The following OR56B1 variants were observed in gnomAD, a reference collection of about 807,000 sequenced individuals.
The protein encoded by OR56B1 is olfactory receptor family 56 subfamily B member 1, also known as olfactory receptor 56B1.
A neutral mutation model predicts 11.4 loss-of-function variants in OR56B1; 13 were observed. That is an observed-to-expected ratio of 1.14 (90% CI 0.74 to 1.81). The LOEUF is 1.81. Among genes scored for constraint, OR56B1 ranks in the 40% most tolerant of loss-of-function variants. OR56B1 has a pLI of 0.00. For missense variants in OR56B1, 434 were observed against 379.3 expected, an observed-to-expected ratio of 1.14 and a Z score of -1.20; for synonymous variants, 158 against 143.6, an observed-to-expected ratio of 1.10 and a Z score of -0.72.
chr11:5,736,668 A>G lies in OR56B1; in HGVS notation c.152A>G (p.Asn51Ser), dbSNP rs1340426438. 6.2e-7 allele frequency: 1 copy of G among 1,613,806 alleles called. No homozygotes were observed. Among genetic ancestry groups the G allele is most frequent in the Admixed American group, 1.7e-5 (1 of 59,924 alleles). The change falls in exon 1 of 1, where the codon AAC (asparagine) becomes AGC (serine). Residue 51 changes from asparagine (N) to serine (S), a missense_variant. Coordinates refer to ENST00000317121, the MANE Select transcript of OR56B1 (RefSeq NM_001005180.3). ...ALLYLSALAA[N>S]TLILIIIWQN... is the part of the protein sequence containing the mutation. ...CTGTATCTCTCAGCACTTGCTGCAA[A>G]CACCCTCATCCTCATCATCATCTGG...
Position 5,736,899 on chromosome 11 carries a change from C to A in OR56B1, c.383C>A (p.Ala128Asp). 1 of 1,614,036 alleles carries A rather than the reference C, an allele frequency of 6.2e-7. No individual in the cohort carries two copies. Reference protein sequence around the residue: ...GMESGILLCMAFDRYVAICHP... With the variant: ...GMESGILLCMDFDRYVAICHP... ...GAGTCTGGTATCCTACTCTGCATGGCTTTTGATAGATATGTGGCTATTTGT... is the reference window on the plus strand; with the variant it reads ...GAGTCTGGTATCCTACTCTGCATGGATTTTGATAGATATGTGGCTATTTGT... Residue 128 changes from alanine to aspartate, a missense_variant, in exon 1 of 1, where the codon GCT (alanine) becomes GAT (aspartate). Coordinates refer to ENST00000317121, the MANE Select transcript of OR56B1 (RefSeq NM_001005180.3).
chr11:5,737,353 G>T lies in OR56B1; in HGVS notation c.837G>T (p.Leu279Phe). ...ATCTGACAGAGATGAAGGCTACTTT[G>T]ATTCCAGTTCTACTTAATGTGTTGC... ...VTHLTEMKAT[L>F]IPVLLNVLHN... Residue 279 changes from leucine to phenylalanine, a missense_variant, in exon 1 of 1, where the codon TTG becomes TTT. Coordinates refer to ENST00000317121, the MANE Select transcript of OR56B1 (RefSeq NM_001005180.3). The T allele has an allele frequency of 6.2e-7, 1 of 1,614,070 alleles. No individual in the cohort carries two copies.
In OR56B1 at chr11:5,736,572, C is replaced by CT; in HGVS notation, c.57dup (p.Glu20Ter). The CT allele has an allele frequency of 6.2e-6, 10 of 1,613,988 alleles. No individual in the cohort carries two copies. Among genetic ancestry groups the CT allele is most frequent in the Non-Finnish European group, 7.6e-6 (9 of 1,179,914 alleles). ...TCCAATAGCTCCAAATTCCAGGTCT[C>CT]TGAGTTCATCCTGCTGGGATTCCCG... is the stretch of plus-strand genomic sequence containing the variant. On this transcript the variant is annotated frameshift_variant, in exon 1 of 1. Coordinates refer to ENST00000317121, the MANE Select transcript of OR56B1 (RefSeq NM_001005180.3). LOFTEE classifies it low-confidence loss of function (END_TRUNC).
chr11:5,737,009 G>A lies in OR56B1; in HGVS notation c.493G>A (p.Val165Ile). The change falls in exon 1 of 1, where the codon GTC becomes ATC. Residue 165 changes from valine to isoleucine, a missense_variant. Val to Ile is a conservative substitution (Grantham distance 29, BLOSUM62 3). Coordinates refer to ENST00000317121, the MANE Select transcript of OR56B1 (RefSeq NM_001005180.3). ...CATGGTGCTGAGAAATGGCTTATTT[G>A]TCACTCCAGTGCCTGTGCTTGCAGC... ...LFMVLRNGLF[V>I]TPVPVLAAQR... 1.2e-6 allele frequency: 2 copies of A among 1,614,096 alleles called. No homozygotes were observed. Among genetic ancestry groups the A allele is most frequent in the Non-Finnish European group, 1.7e-6 (2 of 1,179,994 alleles).
Position 5,736,616 on chromosome 11 carries a change from C to A in OR56B1, c.100C>A (p.His34Asn). 6.2e-7 allele frequency: 1 copy of A among 1,614,034 alleles called. No individual in the cohort carries two copies. Among genetic ancestry groups the A allele is most frequent in the Non-Finnish European group, 8.5e-7 (1 of 1,179,984 alleles). ...LGFPGIHSWQ[H>N]WLSLPLALLY... ...ATTCCCGGGCATTCACAGCTGGCAA[C>A]ACTGGCTATCTCTGCCCCTGGCACT... Residue 34 changes from histidine (H) to asparagine (N), a missense_variant, in exon 1 of 1, where the codon CAC (histidine) becomes AAC (asparagine). By Grantham distance (68) the His-to-Asn change is moderately conservative. Coordinates refer to ENST00000317121, the MANE Select transcript of OR56B1 (RefSeq NM_001005180.3).
At position 5,736,690 on chromosome 11, in the gene OR56B1, C is replaced by G. The variant is rs200882575; in HGVS notation, c.174C>G (p.Ile58Met). Reference sequence around the variant, plus strand: ...CAAACACCCTCATCCTCATCATCATCTGGCAGAACCCTTCTTTACAGCAGC... The same window carrying G: ...CAAACACCCTCATCCTCATCATCATGTGGCAGAACCCTTCTTTACAGCAGC... Reference protein sequence around the residue: ...LAANTLILIIIWQNPSLQQPM... With the variant: ...LAANTLILIIMWQNPSLQQPM... The change falls in exon 1 of 1, where the codon ATC becomes ATG. Residue 58 changes from isoleucine to methionine, a missense_variant. Physicochemically the swap from Ile to Met is conservative, Grantham distance 10 (BLOSUM62 1). Transcript: ENST00000317121. The G allele has an allele frequency of 8.0e-5, 129 of 1,614,032 alleles. No individual in the cohort carries two copies. The African/African-American group carries it at 1.2e-3, about 15-fold the overall frequency.
Position 5,737,443 on chromosome 11 carries a change from A to C in OR56B1, c.927A>C (p.Ala309=). Residue 309 remains alanine, a synonymous_variant, in exon 1 of 1, where the codon GCA becomes GCC. Coordinates refer to ENST00000317121, the MANE Select transcript of OR56B1 (RefSeq NM_001005180.3). ...CACTTCAGACCAAAGAACTTAGGGCAGCCTTCCAAAAGGTGCTGTTTGCCC... is the reference window on the plus strand; with the variant it reads ...CACTTCAGACCAAAGAACTTAGGGCCGCCTTCCAAAAGGTGCTGTTTGCCC... ...VYALQTKELR[A]AFQKVLFALT... 1 of 1,613,920 alleles carries C rather than the reference A, an allele frequency of 6.2e-7. No homozygotes were observed. Among genetic ancestry groups the C allele is most frequent in the Non-Finnish European group, 8.5e-7 (1 of 1,179,844 alleles).
At position 5,737,615 on chromosome 11, in the gene OR56B1, T is replaced by A; in HGVS notation, c.*124T>A. 1 of 861,626 alleles carries A rather than the reference T, an allele frequency of 1.2e-6. No individual in the cohort carries two copies. Among genetic ancestry groups the A allele is most frequent in the African/African-American group, 1.7e-5 (1 of 59,898 alleles). The allele number at this position is 861,626 out of a possible 1,614,324, so 53.4% of individuals were successfully genotyped here. On this transcript the variant is annotated 3_prime_UTR_variant, in exon 1 of 1. Coordinates refer to ENST00000317121, the MANE Select transcript of OR56B1 (RefSeq NM_001005180.3). ...CTTTTTATATTTGTATGTAAATAAT[T>A]GTGAAAGCTTCAGAAAAGATACAAA...
In OR56B1 at chr11:5,737,287, C is replaced by G. The variant is rs1853936541; in HGVS notation, c.771C>G (p.Ile257Met). 6.2e-7 allele frequency: 1 copy of G among 1,613,966 alleles called. No individual in the cohort carries two copies. Among genetic ancestry groups the G allele is most frequent in the Non-Finnish European group, 8.5e-7 (1 of 1,179,978 alleles). The part of the protein sequence containing the change: ...LSTCSSHLTL[I>M]LFFYTIVVVI... The stretch of plus-strand genomic sequence containing the variant: ...CTTGTAGTTCACATCTCACCCTCAT[C>G]CTTTTCTTTTACACTATTGTTGTAG... Residue 257 changes from isoleucine to methionine, a missense_variant, in exon 1 of 1, where the codon ATC (isoleucine) becomes ATG (methionine). Physicochemically the swap from Ile to Met is conservative, Grantham distance 10. Coordinates refer to ENST00000317121, the MANE Select transcript of OR56B1 (RefSeq NM_001005180.3).
Position 5,736,750 on chromosome 11 carries a change from A to G in OR56B1, c.234A>G (p.Val78=). The change falls in exon 1 of 1, where the codon GTA becomes GTG. Residue 78 remains valine, a synonymous_variant. Transcript: ENST00000317121. ...TTTTCCTTGGCATCCTCTGTATGGT[A>G]GACATGGGTCTGGCCACTACTATCA... The part of the protein sequence containing the change: ...MYIFLGILCM[V]DMGLATTIIP... 2.5e-6 allele frequency: 4 copies of G among 1,614,016 alleles called. No homozygotes were observed. Among genetic ancestry groups the G allele is most frequent in the Non-Finnish European group, 3.4e-6 (4 of 1,179,976 alleles).
rs1853917047 is a variant in OR56B1, at chr11:5,736,712, C to T, written c.196C>T (p.Gln66Ter). Residue 66 changes from glutamine to a stop codon, truncating the protein, a stop_gained, in exon 1 of 1, where the codon CAG (glutamine) becomes TAG (stop). Coordinates refer to ENST00000317121, the MANE Select transcript of OR56B1 (RefSeq NM_001005180.3). LOFTEE classifies it high-confidence loss of function. ...CATCTGGCAGAACCCTTCTTTACAG[C>T]AGCCCATGTATATTTTCCTTGGCAT... ...IIIWQNPSLQ[Q>*]PMYIFLGILC... 4 of 1,614,022 alleles carry T rather than the reference C, an allele frequency of 2.5e-6. No individual in the cohort carries two copies. The highest frequency in any genetic ancestry group is 3.4e-6 in the Non-Finnish European group (4 of 1,179,988).
rs1211783334 is a variant in OR56B1, at chr11:5,737,047, T to C, written c.531T>C (p.Tyr177=). The change falls in exon 1 of 1, where the codon TAT becomes TAC. Residue 177 remains tyrosine (Y), a synonymous_variant. Coordinates refer to ENST00000317121, the MANE Select transcript of OR56B1 (RefSeq NM_001005180.3). ...CTGTGCTTGCAGCACAGCGTGATTA[T>C]TGCTCCAAGAATGAAATTGAACACT... is the stretch of plus-strand genomic sequence containing the variant. ...PVPVLAAQRD[Y]CSKNEIEHCL... The C allele has an allele frequency of 1.2e-6, 2 of 1,614,010 alleles. No homozygotes were observed. The highest frequency in any genetic ancestry group is 1.7e-6 in the Non-Finnish European group (2 of 1,180,004).
rs768437236 is a variant in OR56B1 at position 5,736,490 on chromosome 11, A to G, written c.-27A>G. 3.7e-6 allele frequency: 6 copies of G among 1,607,866 alleles called. No individual in the cohort carries two copies. The highest frequency in any genetic ancestry group is 5.1e-6 in the Non-Finnish European group (6 of 1,174,792). ...CCTGTGATAACTGAGAACAATACAAATAGAGATTTGAAATTCATGTTGAAT... is the reference window on the plus strand; with the variant it reads ...CCTGTGATAACTGAGAACAATACAAGTAGAGATTTGAAATTCATGTTGAAT... On this transcript the variant is annotated 5_prime_UTR_variant, in exon 1 of 1. Transcript: ENST00000317121.
rs746160990 is a variant in OR56B1, at chr11:5,736,673, C to T, written c.157C>T (p.Leu53Phe). The T allele has an allele frequency of 2.5e-6, 4 of 1,613,868 alleles. No homozygotes were observed. The highest frequency in any genetic ancestry group is 2.7e-5 in the African/African-American group (2 of 74,894). Residue 53 changes from leucine to phenylalanine, a missense_variant, in exon 1 of 1, where the codon CTC becomes TTC. By Grantham distance (22) the Leu-to-Phe change is conservative (BLOSUM62 0). Transcript: ENST00000317121. ...LYLSALAANTLILIIIWQNPS... is the reference protein window; with the variant it reads ...LYLSALAANTFILIIIWQNPS... ...TCTCTCAGCACTTGCTGCAAACACC[C>T]TCATCCTCATCATCATCTGGCAGAA...
Position 5,737,118 on chromosome 11 carries a change from G to C in OR56B1, c.602G>C (p.Arg201Thr). Residue 201 changes from arginine to threonine, a missense_variant, in exon 1 of 1, where the codon AGG (arginine) becomes ACG (threonine). Physicochemically the swap from Arg to Thr is moderately conservative, Grantham distance 71. Transcript: ENST00000317121. The stretch of plus-strand genomic sequence containing the variant: ...GTCACAAGCCTGGCTTGTGATGACA[G>C]GAGGCCAAACAGCATTTGCCAGTTG... ...LGVTSLACDD[R>T]RPNSICQLVL... 6.2e-7 allele frequency: 1 copy of C among 1,614,010 alleles called. No homozygotes were observed. Among genetic ancestry groups the C allele is most frequent in the Non-Finnish European group, 8.5e-7 (1 of 1,179,984 alleles).
In OR56B1 at chr11:5,737,626, C is replaced by A; in HGVS notation, c.*135C>A. ...TGTATGTAAATAATTGTGAAAGCTT[C>A]AGAAAAGATACAAAAAATCACAGTA... On this transcript the variant is annotated 3_prime_UTR_variant, in exon 1 of 1. Transcript: ENST00000317121. 3.8e-6 allele frequency: 3 copies of A among 782,844 alleles called. No individual in the cohort carries two copies. The highest frequency in any genetic ancestry group is 5.7e-6 in the Non-Finnish European group (3 of 529,550). The allele number at this position is 782,844 out of a possible 1,614,324, so 48.5% of individuals were successfully genotyped here.
chr11:5,737,095 C>T lies in OR56B1; in HGVS notation c.579C>T (p.Val193=), dbSNP rs979529745. The T allele has an allele frequency of 6.2e-7, 1 of 1,613,898 alleles. No homozygotes were observed. Among genetic ancestry groups the T allele is most frequent in the African/African-American group, 1.3e-5 (1 of 74,912 alleles). Residue 193 remains valine, a synonymous_variant, in exon 1 of 1, where the codon GTC becomes GTT. Coordinates refer to ENST00000317121, the MANE Select transcript of OR56B1 (RefSeq NM_001005180.3). ...IEHCLCSNLG[V]TSLACDDRRP... Reference sequence around the variant, plus strand: ...ACTGCCTGTGCTCTAACCTTGGGGTCACAAGCCTGGCTTGTGATGACAGGA... The same window carrying T: ...ACTGCCTGTGCTCTAACCTTGGGGTTACAAGCCTGGCTTGTGATGACAGGA...
At position 5,736,677 on chromosome 11, in the gene OR56B1, T is replaced by C. The variant is rs772436065; in HGVS notation, c.161T>C (p.Ile54Thr). 6.2e-7 allele frequency: 1 copy of C among 1,614,006 alleles called. No individual in the cohort carries two copies. Among genetic ancestry groups the C allele is most frequent in the Non-Finnish European group, 8.5e-7 (1 of 1,179,966 alleles). ...YLSALAANTL[I>T]LIIIWQNPSL... The stretch of plus-strand genomic sequence containing the variant: ...TCAGCACTTGCTGCAAACACCCTCA[T>C]CCTCATCATCATCTGGCAGAACCCT... Residue 54 changes from isoleucine to threonine, a missense_variant, in exon 1 of 1, where the codon ATC (isoleucine) becomes ACC (threonine). Transcript: ENST00000317121.
chr11:5,737,628 G>T lies in OR56B1; in HGVS notation c.*137G>T, dbSNP rs1853945566. 14 of 768,850 alleles carry T rather than the reference G, an allele frequency of 1.8e-5. No individual in the cohort carries two copies. Among genetic ancestry groups the T allele is most frequent in the Non-Finnish European group, 2.5e-5 (13 of 518,736 alleles). The allele number at this position is 768,850 out of a possible 1,614,324, so 47.6% of individuals were successfully genotyped here. A position where few individuals can be genotyped will look rare whatever the true frequency, so the allele number is the denominator to read the frequency against. On this transcript the variant is annotated 3_prime_UTR_variant, in exon 1 of 1. Transcript: ENST00000317121. ...TATGTAAATAATTGTGAAAGCTTCAGAAAAGATACAAAAAATCACAGTAGC... is the reference window on the plus strand; with the variant it reads ...TATGTAAATAATTGTGAAAGCTTCATAAAAGATACAAAAAATCACAGTAGC...
Sources: gnomAD v4.1 joint callset for allele counts on GRCh38, gnomAD v4.1.1 for gene constraint, MANE v1.5 for transcripts, NCBI Gene and HGNC (gene_info 2026-07-23, HGNC 2026-07-21) for gene names.